Variants in GAS7 observed in about 807,000 individuals in gnomAD.
GAS7 encodes growth arrest-specific protein 7.
GAS7 carries 28 observed loss-of-function variants against 71.1 expected under a neutral mutation model. The observed-to-expected ratio is 0.39, with a 90% CI of 0.29 to 0.54. The LOEUF (loss-of-function observed/expected upper bound fraction) is 0.54. Ranked by LOEUF, GAS7 falls within the 20% of genes least tolerant of loss-of-function variation. GAS7 has a pLI of 0.62. For synonymous variants in GAS7, 258 were observed against 245.8 expected (o/e 1.05, Z -0.46); for missense variants, 436 against 627.8 (o/e 0.69, Z 3.27).
intron 1 of GAS7, among the ~76,000 whole-genome samples, chr17:10,178,590 G>A (rs1002715282): frequency 6.6e-6 from 1 of 150,980 alleles, no homozygotes; most frequent in Non-Finnish European, 1.5e-5. Flanking sequence ...CCAGCTCACT[G>A]TCTCTCCCAG....
chr17:9,966,127 T>C (rs1334262127), intron 4 of GAS7, among the ~76,000 whole-genome samples: 2 of 151,290 alleles, frequency 1.3e-5, no homozygotes, highest in African/African-American at 2.4e-5. Flanking sequence ...GCCTCCCGAG[T>C]AGCTGGGACT....
At chr17:10,067,163 T>A (rs1295042715) in intron 1 of GAS7, among the ~76,000 whole-genome samples, 2 of 151,512 alleles carry the variant, frequency 1.3e-5, no homozygotes, top group African/African-American at 4.9e-5. Flanking sequence ...GTGGCGGGAG[T>A]GGAGTTTCCA....
In GAS7 at chr17:10,167,133, C is replaced by T. The variant is rs546751531; in HGVS notation, c.183+31075G>A. ...AGTGCAATGGTGTGATCTCGGCTCA[C>T]CGCAACCTCCACCGCCTGGGTTCAA... On this transcript the variant is annotated intron_variant, in intron 1 of 13. Coordinates refer to ENST00000432992, the MANE Select transcript of GAS7 (RefSeq NM_201433.2). Among the ~76,000 whole-genome samples the T allele has an allele frequency of 2.8e-5, 4 of 142,006 alleles. 1 individual carries two copies. The highest frequency in any genetic ancestry group is 8.4e-3 in the Middle Eastern group (2 of 238). The allele number at this position is 142,006 out of a possible 152,430, so 93.2% of individuals were successfully genotyped here. A position where few individuals can be genotyped will look rare whatever the true frequency, so the allele number is the denominator to read the frequency against.
intron 1 of GAS7, among the ~76,000 whole-genome samples, chr17:10,113,524 T>C (rs2073833480): frequency 6.6e-6 from 1 of 152,202 alleles, no homozygotes; most frequent in South Asian, 2.1e-4. Flanking sequence ...ATATGTTATA[T>C]GATTTAACAA....
intron 1 of GAS7, among the ~76,000 whole-genome samples, chr17:10,153,038 CAAAAAA>C (rs397857973): frequency 1.3e-5 from 1 of 76,026 alleles, no homozygotes; most frequent in South Asian, 4.1e-4. Flanking sequence ...ACTAAAAATA[CAAAAAA>C]AAAAAAAAAA....
rs530052342 is a variant in GAS7 at position 10,194,047 on chromosome 17, A to G, written c.183+4161T>C. ...CTGCATGAACCCAAAATGGGAGAACAAAGGGTAGAGTGAAGAAAATCAAGT... is the reference window on the plus strand; with the variant it reads ...CTGCATGAACCCAAAATGGGAGAACGAAGGGTAGAGTGAAGAAAATCAAGT... On this transcript the variant is annotated intron_variant, in intron 1 of 13. Transcript: ENST00000432992. Among the ~76,000 whole-genome samples the G allele has an allele frequency of 1.3e-3, 202 of 152,350 alleles. 1 individual carries two copies. The highest frequency in any genetic ancestry group is 4.6e-3 in the African/African-American group (191 of 41,580).
rs1193833907 is a variant in GAS7 at position 10,103,441 on chromosome 17, T to C, written c.184-83544A>G. Among the ~76,000 whole-genome samples the C allele has an allele frequency of 2.6e-5, 4 of 152,166 alleles. No homozygotes were observed. Among genetic ancestry groups the C allele is most frequent in the Admixed American group, 2.6e-4 (4 of 15,270 alleles). Reference sequence around the variant, plus strand: ...TGCCATCTAGCGACCCTACTCTAGCTGCCCAGTGAGACTGTTTTCCATTTT... The same window carrying C: ...TGCCATCTAGCGACCCTACTCTAGCCGCCCAGTGAGACTGTTTTCCATTTT... On this transcript the variant is annotated intron_variant, in intron 1 of 13. Transcript: ENST00000432992. The surrounding 1 kb of genome is among the most constrained non-coding windows in gnomAD (Gnocchi z 5.5).
chr17:9,912,165 A>C lies in GAS7; in HGVS notation c.*5063T>G. The C allele has an allele frequency of 4.3e-6, 1 of 232,486 alleles. No homozygotes were observed. Among genetic ancestry groups the C allele is most frequent in the Non-Finnish European group, 8.5e-6 (1 of 117,536 alleles). 14.4% of individuals were successfully genotyped at this position (232,486 alleles called of 1,614,324 possible). ...CCTAGGAGAAACTACCTCATTCTTA[A>C]CAGCTCATAAAACTCTTAATTTTAG... On this transcript the variant is annotated 3_prime_UTR_variant, in exon 14 of 14. Coordinates refer to ENST00000432992, the MANE Select transcript of GAS7 (RefSeq NM_201433.2).
At chr17:10,150,415 TACACACACACACACACAC>T (rs3051267) in intron 1 of GAS7, among the ~76,000 whole-genome samples, 8 of 145,806 alleles carry the variant, frequency 5.5e-5, no homozygotes, top group African/African-American at 1.0e-4. Flanking sequence ...ACTGGTTAAG[TACACACACACACACACAC>T]ACACACACAC....
chr17:10,034,075 C>T lies in GAS7; in HGVS notation c.184-14178G>A, dbSNP rs2152222315. The T allele has an allele frequency of 1.0e-6, 1 of 976,728 alleles. No homozygotes were observed. Among genetic ancestry groups the T allele is most frequent in the Non-Finnish European group, 1.2e-6 (1 of 822,028 alleles). 60.5% of individuals were successfully genotyped at this position (976,728 alleles called of 1,614,324 possible). ...CACATATAAAGTAGGCAAATGGTGA[C>T]AGCCAAGGGCCTTGCTATGGAGATG... On this transcript the variant is annotated intron_variant, in intron 1 of 13. Transcript: ENST00000432992. The surrounding 1 kb of genome is among the most constrained non-coding windows in gnomAD (Gnocchi z 4.4).
In GAS7 at chr17:9,969,252, C is replaced by T. The variant is rs1597576500; in HGVS notation, c.471+425G>A. Among the ~76,000 whole-genome samples, 1 of 152,212 alleles carries T rather than the reference C, an allele frequency of 6.6e-6. No homozygotes were observed. The highest frequency in any genetic ancestry group is 2.1e-4 in the South Asian group (1 of 4,830). On this transcript the variant is annotated intron_variant, in intron 4 of 13. Transcript: ENST00000432992. This position sits in a 1 kb window ranked among gnomAD's most constrained non-coding sequence, Gnocchi z 5.5. Reference sequence around the variant, plus strand: ...CCATCTCATAGCTCTCTCTATGCTACTTTATCAAATGAGATGATCAAATTT... The same window carrying T: ...CCATCTCATAGCTCTCTCTATGCTATTTTATCAAATGAGATGATCAAATTT...
intron 1 of GAS7, among the ~76,000 whole-genome samples, chr17:10,138,770 A>C (rs2074059712): frequency 6.6e-6 from 1 of 152,194 alleles, no homozygotes; most frequent in Admixed American, 6.5e-5. Context: ...CCGTCTCAAA[A>C]AAAAACAAAA....
At chr17:9,921,341 G>C (rs1197494019) in intron 11 of GAS7, among the ~76,000 whole-genome samples, 1 of 151,838 alleles carries the variant, frequency 6.6e-6, no homozygotes, top group Non-Finnish European at 1.5e-5. Context: ...ATTTTTAGTA[G>C]AGATGGGGTT....
intron 1 of GAS7, among the ~76,000 whole-genome samples, chr17:10,089,894 G>A (rs2073562853): frequency 1.3e-5 from 2 of 152,192 alleles, no homozygotes; most frequent in Non-Finnish European, 2.9e-5. Context: ...GAGGCCGGGT[G>A]CAGTGGCTCA....
intron 1 of GAS7, among the ~76,000 whole-genome samples, chr17:10,155,552 C>CA (rs2074199468): frequency 6.6e-6 from 1 of 152,168 alleles, no homozygotes; most frequent in South Asian, 2.1e-4. Context: ...GAAGCTAGTT[C>CA]AAGCCAGTTT....
intron 1 of GAS7, among the ~76,000 whole-genome samples, chr17:10,107,333 G>C: frequency 1.3e-5 from 2 of 151,702 alleles, no homozygotes; most frequent in South Asian, 4.1e-4. Flanking sequence ...AGGTTCAAGA[G>C]GCCAAAGACG....
chr17:10,042,855 C>A (rs979798269), intron 1 of GAS7, among the ~76,000 whole-genome samples: 1 of 152,136 alleles, frequency 6.6e-6, no homozygotes, highest in Admixed American at 6.5e-5. Context: ...TGAGAGACAG[C>A]GAAGTTGATT....
Position 9,934,320 on chromosome 17 carries a change from A to T in GAS7, c.807-76T>A, listed in dbSNP as rs2068315364. The T allele has an allele frequency of 1.1e-5, 11 of 979,830 alleles. No individual in the cohort carries two copies. The South Asian group carries it at 1.3e-4, about 12-fold the overall frequency. The allele number at this position is 979,830 out of a possible 1,614,324, so 60.7% of individuals were successfully genotyped here. A position where few individuals can be genotyped will look rare whatever the true frequency, so the allele number is the denominator to read the frequency against. ...AGGCAGGATGGTGGGGCTCCACCCC[A>T]GGTCTCGGGGAGGTATATGACAGCT... is the stretch of plus-strand genomic sequence containing the variant. On this transcript the variant is annotated intron_variant, in intron 8 of 13. Coordinates refer to ENST00000432992, the MANE Select transcript of GAS7 (RefSeq NM_201433.2).
chr17:10,107,073 C>A (rs552240790), intron 1 of GAS7, among the ~76,000 whole-genome samples: 2 of 152,180 alleles, frequency 1.3e-5, no homozygotes, highest in Admixed American at 6.5e-5. Flanking sequence ...CAGGAAGGAA[C>A]AGATTCTCCT....
Sources: allele counts gnomAD v4.1 joint callset (sites outside exome capture counted in the v4.1 genomes callset), GRCh38; gene constraint gnomAD v4.1.1; non-coding constraint Gnocchi (gnomAD v3.1); transcripts MANE v1.5; gene names NCBI Gene and HGNC (gene_info 2026-07-23, HGNC 2026-07-21).